CDK14: variants seen among roughly 807,000 people sequenced by gnomAD.
The protein encoded by CDK14 is cyclin-dependent kinase 14.
In CDK14, 34 loss-of-function variants were observed where a neutral mutation model predicts 60.7. That is an observed-to-expected ratio of 0.56 (90% confidence interval 0.43 to 0.75). The LOEUF is 0.75. CDK14 is among the 30% of genes least tolerant of loss of function. The pLI is 0.00. For missense variants in CDK14, 482 were observed against 564.1 expected (o/e 0.85, Z 1.47); for synonymous variants, 197 against 203.7 (o/e 0.97, Z 0.28).
At chr7:90,994,958 C>A (rs916662813) in intron 10 of CDK14, among the ~76,000 whole-genome samples, 1 of 152,200 alleles carries the variant, frequency 6.6e-6, no homozygotes, top group Non-Finnish European at 1.5e-5. Flanking sequence ...TACTTCCCCA[C>A]GTAAATCTGA....
At chr7:91,013,417 C>G (rs968944323) in intron 10 of CDK14, among the ~76,000 whole-genome samples, 1 of 152,198 alleles carries the variant, frequency 6.6e-6, no homozygotes, top group African/African-American at 2.4e-5. Context: ...TTACCTATGA[C>G]TAACAATTTT....
intron 1 of CDK14, among the ~76,000 whole-genome samples, chr7:90,600,319 CTTGT>C (rs1349643179): frequency 6.6e-6 from 1 of 151,998 alleles, no homozygotes; most frequent in African/African-American, 2.4e-5. Context: ...TCTTTTCTTT[CTTGT>C]TTCTTTTTTA....
In CDK14 at chr7:90,811,164, T is replaced by A. The variant is rs572476388; in HGVS notation, c.544+20512T>A. ...AAAAGAGCCCCCATTGCCAAGTCAATCCTAAGACAAAAGAACAAAGCTGGA... is the reference window on the plus strand; with the variant it reads ...AAAAGAGCCCCCATTGCCAAGTCAAACCTAAGACAAAAGAACAAAGCTGGA... On this transcript the variant is annotated intron_variant, in intron 5 of 14. Coordinates refer to ENST00000380050, the MANE Select transcript of CDK14 (RefSeq NM_001287135.2). 2.0e-4 allele frequency among the ~76,000 whole-genome samples: 31 copies of A among 152,224 alleles called. 1 individual carries two copies. Among genetic ancestry groups the A allele is most frequent in the South Asian group, 1.9e-3 (9 of 4,818 alleles).
At chr7:90,661,868 C>T (rs917861672) in intron 2 of CDK14, among the ~76,000 whole-genome samples, 1 of 107,322 alleles carries the variant, frequency 9.3e-6, no homozygotes, top group Non-Finnish European at 1.9e-5. Flanking sequence ...GGTGCCCTAC[C>T]CATGTAGCAA....
intron 5 of CDK14, among the ~76,000 whole-genome samples, chr7:90,831,692 T>G (rs978078398): frequency 1.2e-4 from 3 of 26,080 alleles, no homozygotes; most frequent in South Asian, 2.2e-3. Context: ...ACTTGACTGT[T>G]TTTTTTTTCC....
At chr7:91,157,108 C>T (rs1801007080) in intron 14 of CDK14, among the ~76,000 whole-genome samples, 1 of 152,148 alleles carries the variant, frequency 6.6e-6, no homozygotes, top group Admixed American at 6.5e-5. Flanking sequence ...AAATAAAGTT[C>T]ATCAGAGAGG....
intron 11 of CDK14, among the ~76,000 whole-genome samples, chr7:91,055,579 C>A (rs1797523649): frequency 6.6e-6 from 1 of 152,162 alleles, no homozygotes; most frequent in Non-Finnish European, 1.5e-5. Flanking sequence ...GTTCTACTCG[C>A]TGGAATTTTG....
chr7:90,982,063 T>G (rs1795242238), intron 9 of CDK14, among the ~76,000 whole-genome samples: 1 of 152,206 alleles, frequency 6.6e-6, no homozygotes, highest in East Asian at 1.9e-4. Context: ...TTGGGCTTGG[T>G]GCAAGCTGCA....
chr7:90,726,893 C>G (rs1802656112), intron 3 of CDK14, 81 bp downstream of exon 3: 1 of 1,517,858 alleles, frequency 6.6e-7, no homozygotes, highest in Non-Finnish European at 8.9e-7. Flanking sequence ...TGGAAGACAG[C>G]AGGAAACTTT....
intron 2 of CDK14, chr7:90,709,233 TATATACAC>T: frequency 2.9e-6 from 1 of 350,538 alleles, no homozygotes; most frequent in Non-Finnish European, 5.1e-6. Flanking sequence ...ATATGACAAA[TATATACAC>T]GTAGACACCA....
Position 91,090,672 on chromosome 7 carries a change from A to G in CDK14, c.1154+11192A>G, listed in dbSNP as rs73400952. On this transcript the variant is annotated intron_variant, in intron 12 of 14. Transcript: ENST00000380050. ...GCACTTATTTCTTTATTATATAGCT[A>G]TAGGCTTAAATCCAAATCCTATGAC... 8.1e-3 allele frequency among the ~76,000 whole-genome samples: 1,233 copies of G among 152,262 alleles called. 18 individuals carry two copies. The highest frequency in any genetic ancestry group is 0.027 in the African/African-American group (1,138 of 41,558).
intron 11 of CDK14, among the ~76,000 whole-genome samples, chr7:91,070,643 C>G (rs1227292112): frequency 1.3e-5 from 2 of 151,948 alleles, no homozygotes; most frequent in Non-Finnish European, 2.9e-5. Context: ...TCCTGTAGTC[C>G]CAGCTACTTG....
At chr7:91,110,575 C>T (rs987624106) in intron 12 of CDK14, among the ~76,000 whole-genome samples, 2 of 152,120 alleles carry the variant, frequency 1.3e-5, no homozygotes, top group Non-Finnish European at 2.9e-5. Flanking sequence ...TTTTTATACT[C>T]TTGACTTCTG....
At chr7:90,632,633 A>T (rs921865432) in intron 2 of CDK14, 3 of 152,562 alleles carry the variant, frequency 2.0e-5, no homozygotes, top group African/African-American at 7.2e-5. Flanking sequence ...TTGACACCGA[A>T]CCTTTTAGTG....
intron 8 of CDK14, among the ~76,000 whole-genome samples, chr7:90,935,271 C>T (rs1419473675): frequency 6.6e-6 from 1 of 152,152 alleles, no homozygotes; most frequent in African/African-American, 2.4e-5. Flanking sequence ...CTTCTTAATA[C>T]TACTAAAATG....
intron 2 of CDK14, among the ~76,000 whole-genome samples, chr7:90,610,172 G>T (rs1799510408): frequency 6.6e-6 from 1 of 151,992 alleles, no homozygotes; most frequent in Non-Finnish European, 1.5e-5. Flanking sequence ...TTCCTTCCCT[G>T]ATCACTCAGG....
rs560229768 is a variant in CDK14, at chr7:91,089,865, A to T, written c.1154+10385A>T. ...ATTTATAAAGATAAATACAAATGGAATTTTTTTCATTTGGCTCTCATTTCT... is the reference window on the plus strand; with the variant it reads ...ATTTATAAAGATAAATACAAATGGATTTTTTTTCATTTGGCTCTCATTTCT... On this transcript the variant is annotated intron_variant, in intron 12 of 14. Coordinates refer to ENST00000380050, the MANE Select transcript of CDK14 (RefSeq NM_001287135.2). Among the ~76,000 whole-genome samples the T allele has an allele frequency of 1.0e-3, 154 of 152,218 alleles. 1 individual carries two copies. Among genetic ancestry groups the T allele is most frequent in the African/African-American group, 3.6e-3 (148 of 41,552 alleles).
chr7:90,629,500 G>A (rs1176784761), intron 2 of CDK14, among the ~76,000 whole-genome samples: 1 of 152,130 alleles, frequency 6.6e-6, no homozygotes, highest in Admixed American at 6.6e-5. Context: ...CTCAGTAGGA[G>A]TGGTACTGCC....
At chr7:90,655,503 C>A (rs545920651) in intron 2 of CDK14, among the ~76,000 whole-genome samples, 1 of 152,128 alleles carries the variant, frequency 6.6e-6, no homozygotes, top group African/African-American at 2.4e-5. Flanking sequence ...GCCAGACATA[C>A]TTAGGCTTGA....
Sources: gnomAD v4.1 joint callset for allele counts (sites outside exome capture counted in the v4.1 genomes callset) on GRCh38, gnomAD v4.1.1 for gene constraint, MANE v1.5 for transcripts, NCBI Gene and HGNC (gene_info 2026-07-23, HGNC 2026-07-21) for gene names.